Variants in TBC1D8B observed in about 807,000 individuals in gnomAD.
TBC1D8B encodes the protein TBC1 domain family member 8B.
Under a neutral mutation model 82.9 loss-of-function variants are expected in TBC1D8B, and 75 were observed. That is an observed-to-expected ratio of 0.90 (90% CI 0.75 to 1.10). The LOEUF (loss-of-function observed/expected upper bound fraction) is 1.10. TBC1D8B is among the 50% of genes least tolerant of loss of function. The pLI is 0.00. For synonymous variants in TBC1D8B, 276 were observed against 276.8 expected, an observed-to-expected ratio of 1.00 and a Z score of 0.03; for missense variants, 794 against 796.9, an observed-to-expected ratio of 1.00 and a Z score of 0.04.
chrX:106,856,827 T>C (rs1023577665), intron 14 of TBC1D8B, among the ~76,000 whole-genome samples: 2 of 111,871 alleles, frequency 1.8e-5, no homozygotes, highest in Non-Finnish European at 3.8e-5. Context: ...GGGTTTATTC[T>C]ACCCCTATAT....
At chrX:106,840,244 C>T in intron 9 of TBC1D8B, 46 bp downstream of exon 9, 1 of 1,116,582 alleles carries the variant, frequency 9.0e-7, no homozygotes, top group Non-Finnish European at 1.2e-6. Flanking sequence ...ATTAACTATG[C>T]CTTTCTAGGA....
At chrX:106,829,398 C>G (rs1931961323) in intron 7 of TBC1D8B, 1 of 104,582 alleles carries the variant, frequency 9.6e-6, no homozygotes, top group African/African-American at 3.7e-5. Flanking sequence ...AATGCCATCC[C>G]CATCAAGCTA....
chrX:106,841,438 A>T (rs1469474161), intron 10 of TBC1D8B, among the ~76,000 whole-genome samples: 1 of 111,627 alleles, frequency 9.0e-6, no homozygotes, highest in African/African-American at 3.3e-5. Flanking sequence ...AGGTAAACGT[A>T]AAGTATGTAT....
At chrX:106,854,993 G>A (rs1372052012) in intron 14 of TBC1D8B, among the ~76,000 whole-genome samples, 1 of 112,172 alleles carries the variant, frequency 8.9e-6, no homozygotes, top group African/African-American at 3.2e-5. Context: ...TATTTGGATG[G>A]CTCCATAAGC....
chrX:106,818,025 T>C (rs1931590637), intron 1 of TBC1D8B, among the ~76,000 whole-genome samples: 1 of 111,047 alleles, frequency 9.0e-6, no homozygotes, highest in Non-Finnish European at 1.9e-5. Context: ...GAATTCCTAA[T>C]TGAGGAATTA....
At chrX:106,828,951 G>C (rs1227202401) in intron 7 of TBC1D8B, 2 of 106,818 alleles carry the variant, frequency 1.9e-5, no homozygotes, top group Non-Finnish European at 3.8e-5. Context: ...AGGGCAATTA[G>C]GCAGGAGAAG....
In TBC1D8B at chrX:106,838,746, C is replaced by A. The variant is rs891681951; in HGVS notation, c.1204-562C>A. On this transcript the variant is annotated intron_variant, in intron 7 of 20. Transcript: ENST00000357242. Reference sequence around the variant, plus strand: ...ATTGTTTTCTATAATACCCTGGGAACAGAGTTTTTTCACCAAGCTGAGCTG... The same window carrying A: ...ATTGTTTTCTATAATACCCTGGGAAAAGAGTTTTTTCACCAAGCTGAGCTG... Among the ~76,000 whole-genome samples, 82 of 112,011 alleles carry A rather than the reference C, an allele frequency of 7.3e-4. 2 individuals carry two copies. In the Admixed American group the frequency reaches 7.8e-3, roughly 11 times the overall value.
chrX:106,846,095 CTT>C (rs763406306), intron 10 of TBC1D8B, among the ~76,000 whole-genome samples: 15 of 72,215 alleles, frequency 2.1e-4, no homozygotes, highest in East Asian at 8.3e-4. Context: ...CTCTCTCTCT[CTT>C]TTTTTTTTTT....
chrX:106,839,227 A>T (rs1479821576), intron 7 of TBC1D8B, 81 bp from the exon 8 acceptor site: 1 of 978,995 alleles, frequency 1.0e-6, no homozygotes, highest in East Asian at 3.2e-5. Context: ...GTGGCTTATA[A>T]ATAACAGTAA....
chrX:106,869,100 G>A (rs1240324440), intron 18 of TBC1D8B, among the ~76,000 whole-genome samples: 4 of 111,647 alleles, frequency 3.6e-5, no homozygotes, highest in Non-Finnish European at 7.5e-5. Flanking sequence ...ACTTGTGCAA[G>A]GTTTCACAGT....
At chrX:106,818,850 C>T in intron 2 of TBC1D8B, 77 bp downstream of exon 2, 2 of 753,647 alleles carry the variant, frequency 2.7e-6, no homozygotes, top group East Asian at 6.9e-5. Flanking sequence ...TATTTATAGT[C>T]TGTAGTTGCT....
At chrX:106,821,174 G>C (rs1395203982) in intron 3 of TBC1D8B, among the ~76,000 whole-genome samples, 179 bp downstream of exon 3, 2 of 110,868 alleles carry the variant, frequency 1.8e-5, no homozygotes, top group African/African-American at 6.5e-5. Flanking sequence ...TTAGCACAGG[G>C]GGAGATTGAT....
rs200526006 is a variant in TBC1D8B, at chrX:106,840,135, C to T, written c.1441C>T (p.Arg481Ter). 2.9e-5 allele frequency: 35 copies of T among 1,208,149 alleles called. No homozygotes were observed. Among genetic ancestry groups the T allele is most frequent in the Non-Finnish European group, 2.2e-5 (20 of 893,936 alleles). ...GVSMFRTKKT[R>*]DLVVRGIPET... The stretch of plus-strand genomic sequence containing the variant: ...TAGTATGTTTCGAACCAAAAAGACT[C>T]GAGATCTTGTTGTAAGAGGGATTCC... The change falls in exon 9 of 21, where the codon CGA becomes TGA. Residue 481 changes from arginine to a stop codon, truncating the protein, a stop_gained. Coordinates refer to ENST00000357242, the MANE Select transcript of TBC1D8B (RefSeq NM_017752.3). LOFTEE classifies it high-confidence loss of function.
intron 14 of TBC1D8B, among the ~76,000 whole-genome samples, chrX:106,855,711 G>C (rs896808921): frequency 9.0e-6 from 1 of 111,726 alleles, no homozygotes; most frequent in East Asian, 2.8e-4. Flanking sequence ...TTCTTTGCAA[G>C]ATAGATATCT....
intron 1 of TBC1D8B, among the ~76,000 whole-genome samples, chrX:106,806,305 G>A (rs919240515): frequency 3.6e-5 from 4 of 111,888 alleles, no homozygotes; most frequent in Admixed American, 1.9e-4. Context: ...ATACATAAGC[G>A]GTTTTATAGA....
chrX:106,807,839 G>A (rs1367136384), intron 1 of TBC1D8B, among the ~76,000 whole-genome samples: 2 of 111,173 alleles, frequency 1.8e-5, no homozygotes, highest in Non-Finnish European at 3.8e-5. Flanking sequence ...GATCATTTGA[G>A]GTCAGGAGTT....
At chrX:106,860,584 C>T (rs1234627941) in intron 14 of TBC1D8B, among the ~76,000 whole-genome samples, 1 of 110,241 alleles carries the variant, frequency 9.1e-6, no homozygotes, top group African/African-American at 3.3e-5. Flanking sequence ...GTCTCTTTGT[C>T]ATTTCTGATT....
intron 7 of TBC1D8B, among the ~76,000 whole-genome samples, chrX:106,838,895 G>T (rs1322057933): frequency 9.0e-6 from 1 of 111,582 alleles, no homozygotes; most frequent in Non-Finnish European, 1.9e-5. Flanking sequence ...AGATCCACTG[G>T]TTGCCATACT....
chrX:106,810,144 G>T (rs1379090430), intron 1 of TBC1D8B, among the ~76,000 whole-genome samples: 1 of 111,758 alleles, frequency 8.9e-6, no homozygotes, highest in Non-Finnish European at 1.9e-5. Context: ...TAAAAGCAGT[G>T]ATTAATAATA....
Sources: allele counts gnomAD v4.1 joint callset (sites outside exome capture counted in the v4.1 genomes callset), GRCh38; gene constraint gnomAD v4.1.1; transcripts MANE v1.5; gene names NCBI Gene and HGNC (gene_info 2026-07-23, HGNC 2026-07-21).